The following PCDH15 variants were observed in gnomAD, a reference collection of about 807,000 sequenced individuals.
The protein encoded by PCDH15 is protocadherin-15.
A neutral mutation model predicts 178.5 loss-of-function variants in PCDH15; 129 were observed. That is an observed-to-expected ratio of 0.72 (90% CI 0.63 to 0.84). PCDH15 has a LOEUF of 0.84. Among genes scored for constraint, PCDH15 ranks in the 40% least tolerant of loss-of-function variants. The pLI is 0.00. For synonymous variants in PCDH15, 800 were observed against 732.0 expected, an observed-to-expected ratio of 1.09 and a Z score of -1.50; for missense variants, 2,230 against 2,099.9, an observed-to-expected ratio of 1.06 and a Z score of -1.21.
At chr10:54,330,805 C>T (rs966592834) in intron 6 of PCDH15, among the ~76,000 whole-genome samples, 11 of 151,896 alleles carry the variant, frequency 7.2e-5, no homozygotes, top group Admixed American at 1.3e-4. Context: ...TATTTTAGTG[C>T]CATTTTAAAG....
Position 53,818,021 on chromosome 10 carries a change from G to T in PCDH15, c.4434-8C>A, listed in dbSNP as rs1465202384. On this transcript the variant is annotated splice_polypyrimidine_tract_variant and splice_region_variant and intron_variant, in intron 33 of 37. Transcript: ENST00000644397. The stretch of plus-strand genomic sequence containing the variant: ...TCTGATCCATAACCTCTCCTGCAAG[G>T]CAGAAATAAATAAATCAGTATTAAA... The T allele has an allele frequency of 1.0e-5, 4 of 398,394 alleles. No individual in the cohort carries two copies. The highest frequency in any genetic ancestry group is 1.8e-5 in the Non-Finnish European group (4 of 225,812). The allele number at this position is 398,394 out of a possible 1,614,324, so 24.7% of individuals were successfully genotyped here.
intron 3 of PCDH15, among the ~76,000 whole-genome samples, chr10:54,423,465 TAGAA>T (rs1424403773): frequency 2.6e-5 from 4 of 151,792 alleles, no homozygotes; most frequent in South Asian, 4.1e-4. Context: ...TGAAAAGAGA[TAGAA>T]AGAAGAGTTG....
intron 1 of PCDH15, among the ~76,000 whole-genome samples, chr10:55,293,738 A>G (rs982624994): frequency 6.6e-6 from 1 of 152,124 alleles, no homozygotes; most frequent in African/African-American, 2.4e-5. Flanking sequence ...CCTCATCTTC[A>G]TCTGTGACCA....
chr10:55,061,220 A>T (rs1265410140), intron 2 of PCDH15, among the ~76,000 whole-genome samples: 1 of 152,204 alleles, frequency 6.6e-6, no homozygotes, highest in Non-Finnish European at 1.5e-5. Flanking sequence ...AACTCAACAA[A>T]AAGTAAGACA....
At chr10:54,616,123 A>G (rs1185518818) in intron 2 of PCDH15, among the ~76,000 whole-genome samples, 4 of 152,114 alleles carry the variant, frequency 2.6e-5, no homozygotes, top group Non-Finnish European at 5.9e-5. Flanking sequence ...AAAGTGGCTA[A>G]GAAAAAAATT....
At chr10:55,301,015 T>C (rs760206101) in intron 1 of PCDH15, among the ~76,000 whole-genome samples, 1 of 152,202 alleles carries the variant, frequency 6.6e-6, no homozygotes, top group Non-Finnish European at 1.5e-5. Context: ...GAAGGACATC[T>C]GTGTGGTTTC....
At chr10:54,205,594 T>A (rs1726638978) in intron 10 of PCDH15, among the ~76,000 whole-genome samples, 1 of 151,264 alleles carries the variant, frequency 6.6e-6, no homozygotes, top group Admixed American at 6.6e-5. Flanking sequence ...TGACTAAAAA[T>A]TATTAGGTTT....
At position 54,121,075 on chromosome 10, in the gene PCDH15, G is replaced by A. The variant is rs75687187; in HGVS notation, c.1917+11800C>T. Reference sequence around the variant, plus strand: ...GTCTCAGCAAATGAAAAAAAAAAAAGAAATCACAGCACCCATATTCTTGGA... The same window carrying A: ...GTCTCAGCAAATGAAAAAAAAAAAAAAAATCACAGCACCCATATTCTTGGA... On this transcript the variant is annotated intron_variant, in intron 15 of 37. Coordinates refer to ENST00000644397, the MANE Select transcript of PCDH15 (RefSeq NM_001384140.1). Among the ~76,000 whole-genome samples the A allele has an allele frequency of 4.8e-3, 329 of 69,114 alleles. 2 individuals are homozygous for A. The highest frequency in any genetic ancestry group is 8.2e-3 in the Non-Finnish European group (185 of 22,436). 45.3% of individuals were successfully genotyped at this position (69,114 alleles called of 152,430 possible). A position where few individuals can be genotyped will look rare whatever the true frequency, so the allele number is the denominator to read the frequency against.
intron 8 of PCDH15, among the ~76,000 whole-genome samples, chr10:54,308,454 A>G (rs1230295161): frequency 2.0e-5 from 3 of 151,974 alleles, no homozygotes. Flanking sequence ...CCTCCTTAAT[A>G]GTTATTTTAT....
intron 3 of PCDH15, among the ~76,000 whole-genome samples, chr10:54,855,898 C>T (rs900819451): frequency 3.9e-5 from 6 of 152,042 alleles, no homozygotes; most frequent in African/African-American, 1.4e-4. Flanking sequence ...TCTGGATATG[C>T]TTGGTTTAGA....
intron 2 of PCDH15, among the ~76,000 whole-genome samples, chr10:55,083,032 T>C (rs1232673291): frequency 6.6e-6 from 1 of 151,802 alleles, no homozygotes; most frequent in Non-Finnish European, 1.5e-5. Flanking sequence ...TCAGAATACT[T>C]CCAAGCTCAT....
At chr10:54,135,612 A>G (rs2042839997) in intron 14 of PCDH15, among the ~76,000 whole-genome samples, 1 of 152,198 alleles carries the variant, frequency 6.6e-6, no homozygotes, top group African/African-American at 2.4e-5. Context: ...ACCCTTGAAG[A>G]TCTTGGCTTC....
chr10:54,167,710 A>G (rs1264083627), intron 13 of PCDH15, among the ~76,000 whole-genome samples: 1 of 84,490 alleles, frequency 1.2e-5, no homozygotes, highest in African/African-American at 4.9e-5. Flanking sequence ...GCTTTTCTAC[A>G]GGGCAAGAAC....
intron 2 of PCDH15, among the ~76,000 whole-genome samples, chr10:55,613,181 C>T (rs985006567): frequency 1.3e-5 from 2 of 152,074 alleles, no homozygotes; most frequent in Non-Finnish European, 2.9e-5. Context: ...GCCTCATGTT[C>T]CCTAACCACC....
intron 1 of PCDH15, among the ~76,000 whole-genome samples, chr10:55,292,876 CA>C (rs2132269910): frequency 6.6e-6 from 1 of 152,302 alleles, no homozygotes; most frequent in Admixed American, 6.5e-5. Flanking sequence ...GCAAACAGTG[CA>C]AGCTGTAAGT....
intron 1 of PCDH15, among the ~76,000 whole-genome samples, chr10:54,713,317 T>A (rs1462719114): frequency 6.6e-6 from 1 of 152,030 alleles, no homozygotes; most frequent in Non-Finnish European, 1.5e-5. Context: ...CAAAATTAAA[T>A]TTCAAAACTC....
chr10:55,114,240 C>T (rs749211110), intron 2 of PCDH15, among the ~76,000 whole-genome samples: 12 of 152,148 alleles, frequency 7.9e-5, no homozygotes, highest in Admixed American at 1.3e-4. Context: ...AGTGAACCAC[C>T]GTGCCTGGCC....
chr10:54,281,371 T>C (rs1376822518), intron 8 of PCDH15, among the ~76,000 whole-genome samples: 1 of 151,880 alleles, frequency 6.6e-6, no homozygotes, highest in Non-Finnish European at 1.5e-5. Context: ...AACAGTAAAA[T>C]AGAAAAGATT....
intron 2 of PCDH15, among the ~76,000 whole-genome samples, chr10:55,370,311 G>A (rs1320452583): frequency 2.0e-5 from 3 of 152,024 alleles, no homozygotes; most frequent in Admixed American, 2.0e-4. Context: ...GCTTTTAAAT[G>A]ACTCATACTT....
Sources: gnomAD v4.1 joint callset for allele counts (sites outside exome capture counted in the v4.1 genomes callset) on GRCh38, gnomAD v4.1.1 for gene constraint, MANE v1.5 for transcripts, NCBI Gene and HGNC (gene_info 2026-07-23, HGNC 2026-07-21) for gene names.